Variants in EVL observed in about 807,000 individuals in gnomAD.
EVL encodes Enah/Vasp-like.
A neutral mutation model predicts 59.6 loss-of-function variants in EVL; 21 were observed. The observed-to-expected ratio is 0.35, with a 90% confidence interval of 0.25 to 0.51. The LOEUF (loss-of-function observed/expected upper bound fraction) is 0.51, where lower values mean the gene tolerates loss of function less well. EVL is among the 20% of genes least tolerant of loss of function. The pLI is 0.97. For missense variants in EVL, 462 were observed against 546.6 expected (o/e 0.85, Z 1.54); for synonymous variants, 198 against 203.5 (o/e 0.97, Z 0.23).
intron 1 of EVL, among the ~76,000 whole-genome samples, chr14:100,058,402 T>G (rs2061768376): frequency 2.0e-5 from 3 of 152,238 alleles, no homozygotes; most frequent in African/African-American, 7.2e-5. Flanking sequence ...TATTCATCTA[T>G]GCATAGTTAT....
chr14:100,028,137 T>TTTTG (rs57830064), intron 1 of EVL, among the ~76,000 whole-genome samples: 14,046 of 130,964 alleles, frequency 0.11, 888 homozygotes, highest in East Asian at 0.29. Context: ...TTTGTTTGTT[T>TTTTG]TTTTTTTTTT....
chr14:100,123,955 G>A (rs1448418442), intron 4 of EVL, among the ~76,000 whole-genome samples: 1 of 152,212 alleles, frequency 6.6e-6, no homozygotes, highest in African/African-American at 2.4e-5. Context: ...CAGGCATGAG[G>A]GATTCAGCCT....
Position 100,129,484 on chromosome 14 carries a change from C to G in EVL, c.718-79C>G, listed in dbSNP as rs990842872. On this transcript the variant is annotated intron_variant, in intron 6 of 13. Transcript: ENST00000392920. ...CATAGGATTCACACGCACACAGTCC[C>G]CTGCATCCCCTCACATCGTTGCTGC... The G allele has an allele frequency of 6.3e-6, 10 of 1,593,508 alleles. No individual in the cohort carries two copies. In the Admixed American group the frequency reaches 1.7e-4, roughly 27 times the overall value.
chr14:100,034,489 AAATG>A (rs1317092716), intron 1 of EVL, among the ~76,000 whole-genome samples: 1 of 152,112 alleles, frequency 6.6e-6, no homozygotes, highest in Non-Finnish European at 1.5e-5. Context: ...CTTTAGGTCA[AAATG>A]AATCCCAACA....
chr14:100,012,355 C>T (rs1294058197), intron 1 of EVL, among the ~76,000 whole-genome samples: 1 of 152,190 alleles, frequency 6.6e-6, no homozygotes, highest in African/African-American at 2.4e-5. Flanking sequence ...GTGCTGGTCA[C>T]ATGGCAGGTG....
At position 100,102,429 on chromosome 14, in the gene EVL, G is replaced by T. The variant is rs112365593; in HGVS notation, c.358+4771G>T. 2,701 of 454,838 alleles carry T rather than the reference G, an allele frequency of 5.9e-3. 81 individuals are homozygous for T. Among genetic ancestry groups the T allele is most frequent in the African/African-American group, 0.049 (2,472 of 50,134 alleles). 28.2% of individuals were successfully genotyped at this position (454,838 alleles called of 1,614,324 possible). On this transcript the variant is annotated intron_variant, in intron 3 of 13. Transcript: ENST00000392920. ...GATAAGTACACCTCCTTGGCTGTCA[G>T]GTGACATCTACATTGTCTACATTTT...
intron 3 of EVL, among the ~76,000 whole-genome samples, chr14:100,119,137 A>G (rs942145288): frequency 9.9e-5 from 15 of 152,170 alleles, no homozygotes; most frequent in Non-Finnish European, 1.9e-4. Flanking sequence ...CTCTTGTTTG[A>G]TGTTGGACCT....
intron 1 of EVL, among the ~76,000 whole-genome samples, chr14:99,993,057 C>CTTTT (rs544024215): frequency 7.7e-6 from 1 of 129,682 alleles, no homozygotes; most frequent in African/African-American, 3.1e-5. Context: ...GCGTATAATC[C>CTTTT]TTTTTTTTTT....
intron 1 of EVL, among the ~76,000 whole-genome samples, chr14:100,072,633 G>T (rs1208322693): frequency 6.6e-6 from 1 of 152,134 alleles, no homozygotes; most frequent in Non-Finnish European, 1.5e-5. Context: ...TGTATGCTCA[G>T]GTCCCTAGGA....
intron 1 of EVL, among the ~76,000 whole-genome samples, chr14:99,981,095 A>T (rs893882922): frequency 1.3e-5 from 2 of 151,704 alleles, no homozygotes; most frequent in Middle Eastern, 3.4e-3. Context: ...AAGTGTAGGC[A>T]TCTGCTTTTT....
chr14:100,067,589 G>A (rs1248192131), intron 1 of EVL, among the ~76,000 whole-genome samples: 1 of 152,222 alleles, frequency 6.6e-6, no homozygotes, highest in Non-Finnish European at 1.5e-5. Flanking sequence ...GACTACAGGT[G>A]TGGGCCACCA....
rs61309441 is a variant in EVL at position 100,038,771 on chromosome 14, GGTGTGTGTGTGT to G, written c.6-45893_6-45882del. Among the ~76,000 whole-genome samples the G allele has an allele frequency of 1.1e-3, 151 of 141,006 alleles. 1 individual carries two copies. In the Middle Eastern group the frequency reaches 0.025, roughly 23 times the overall value. 92.5% of individuals were successfully genotyped at this position (141,006 alleles called of 152,430 possible). On this transcript the variant is annotated intron_variant, in intron 1 of 13. Coordinates refer to the EVL transcript ENST00000402714. ...TAGTACCCTGTGTGCTGTGCCCTGG[GGTGTGTGTGTGT>G]GTGTGTGTGTGTGTGTGTGTGTTGC...
intron 11 of EVL, 138 bp from the exon 12 acceptor site, chr14:100,141,042 G>A (rs1006565567): frequency 2.9e-6 from 2 of 694,280 alleles, no homozygotes; most frequent in Non-Finnish European, 4.8e-6. Flanking sequence ...GGCAGTCTGA[G>A]GTGGCCAGAG....
At chr14:100,079,180 CGCAGA>C (rs2062235462) in intron 1 of EVL, among the ~76,000 whole-genome samples, 1 of 152,206 alleles carries the variant, frequency 6.6e-6, no homozygotes, top group Non-Finnish European at 1.5e-5. Context: ...GGAGCCCACC[CGCAGA>C]GCTGTGGTTT....
intron 1 of EVL, among the ~76,000 whole-genome samples, chr14:100,032,974 A>G (rs1454255684): frequency 6.6e-6 from 1 of 151,256 alleles, no homozygotes. Flanking sequence ...TTGTCATGTC[A>G]CAGGCCCTAG....
intron 1 of EVL, among the ~76,000 whole-genome samples, chr14:100,013,431 G>A (rs1199607498): frequency 2.0e-5 from 3 of 152,178 alleles, no homozygotes; most frequent in Non-Finnish European, 4.4e-5. Flanking sequence ...AATACATGCT[G>A]TCTTCCCCAT....
At chr14:100,141,367 T>A (rs1889153567) in intron 12 of EVL, 121 bp downstream of exon 12, 2 of 1,068,076 alleles carry the variant, frequency 1.9e-6, no homozygotes, top group Non-Finnish European at 2.7e-6. Flanking sequence ...AAAAGGCCAG[T>A]CAGGGAGCAG....
At chr14:100,105,879 T>A (rs1407079231) in intron 3 of EVL, 1 of 152,256 alleles carries the variant, frequency 6.6e-6, no homozygotes, top group Non-Finnish European at 1.5e-5. Context: ...CCTGCCACAG[T>A]GTCTGAAACT....
In EVL at chr14:100,114,064, G is replaced by C. The variant is rs1051993971; in HGVS notation, c.359-9475G>C. On this transcript the variant is annotated intron_variant, in intron 3 of 13. Transcript: ENST00000392920. The surrounding 1 kb of genome is among the most constrained non-coding windows in gnomAD (Gnocchi z 5.0). ...CCCTTGGAAAGCCCTTCAAGTGAGAGCATGAGGCTTGGATCTAGACAGGCC... is the reference window on the plus strand; with the variant it reads ...CCCTTGGAAAGCCCTTCAAGTGAGACCATGAGGCTTGGATCTAGACAGGCC... 2.0e-5 allele frequency among the ~76,000 whole-genome samples: 3 copies of C among 152,132 alleles called. No homozygotes were observed. Among genetic ancestry groups the C allele is most frequent in the African/African-American group, 7.2e-5 (3 of 41,424 alleles).
Sources: allele counts gnomAD v4.1 joint callset (sites outside exome capture counted in the v4.1 genomes callset), GRCh38; gene constraint gnomAD v4.1.1; non-coding constraint Gnocchi (gnomAD v3.1); transcripts MANE v1.5; gene names NCBI Gene and HGNC (gene_info 2026-07-23, HGNC 2026-07-21).